TTC7A: variants seen among roughly 807,000 people sequenced by gnomAD.
TTC7A encodes tetratricopeptide repeat protein 7A.
TTC7A carries 110 observed loss-of-function variants against 103.7 expected under a neutral mutation model. The observed-to-expected ratio is 1.06, with a 90% CI of 0.91 to 1.24. The LOEUF is 1.24. Among genes scored for constraint, TTC7A ranks in the 50% most tolerant of loss-of-function variants. The pLI, the probability that TTC7A is intolerant of heterozygous loss-of-function variation, is 0.00. For synonymous variants in TTC7A, 521 were observed against 467.9 expected, an observed-to-expected ratio of 1.11 and a Z score of -1.47; for missense variants, 1,340 against 1,116.3, an observed-to-expected ratio of 1.20 and a Z score of -2.86.
chr2:47,019,376 A>T (rs558361206), intron 11 of TTC7A, among the ~76,000 whole-genome samples: 188 of 151,372 alleles, frequency 1.2e-3, no homozygotes, highest in African/African-American at 2.8e-3. Flanking sequence ...TCTATTTTTA[A>T]AAAAAAAAAC....
At chr2:46,992,185 G>A (rs1483078148) in intron 5 of TTC7A, among the ~76,000 whole-genome samples, 2 of 152,232 alleles carry the variant, frequency 1.3e-5, no homozygotes, top group African/African-American at 2.4e-5. Flanking sequence ...GGATGAGCAG[G>A]GCAGCCCTTA....
At chr2:47,072,148 C>G (rs1684789178) in intron 19 of TTC7A, among the ~76,000 whole-genome samples, 1 of 152,220 alleles carries the variant, frequency 6.6e-6, no homozygotes, top group African/African-American at 2.4e-5. Flanking sequence ...GCTGGCCAGC[C>G]TGGCCACTAC....
chr2:46,925,690 A>G (rs1170420655), intron 2 of TTC7A, among the ~76,000 whole-genome samples: 1 of 152,146 alleles, frequency 6.6e-6, no homozygotes, highest in Admixed American at 6.5e-5. Context: ...CACCTCCCCC[A>G]AAAAAACCCA....
intron 11 of TTC7A, among the ~76,000 whole-genome samples, chr2:47,015,211 C>G (rs1459144094): frequency 6.6e-6 from 1 of 152,256 alleles, no homozygotes; most frequent in African/African-American, 2.4e-5. Flanking sequence ...GCCAGGGTCC[C>G]TATTTTTGCA....
chr2:46,953,421 C>T (rs925769187), intron 2 of TTC7A, among the ~76,000 whole-genome samples: 2 of 152,202 alleles, frequency 1.3e-5, no homozygotes, highest in African/African-American at 4.8e-5. Flanking sequence ...TCCCAAAGTG[C>T]TAGGATTACA....
intron 1 of TTC7A, among the ~76,000 whole-genome samples, chr2:46,949,021 T>C (rs899473920): frequency 6.6e-6 from 1 of 152,172 alleles, no homozygotes; most frequent in Non-Finnish European, 1.5e-5. Flanking sequence ...TTATATTGAA[T>C]GGTGGGCCTG....
At chr2:47,053,181 G>A (rs1446059197) in intron 18 of TTC7A, among the ~76,000 whole-genome samples, 22 of 151,930 alleles carry the variant, frequency 1.4e-4, no homozygotes, top group Admixed American at 1.4e-3. Flanking sequence ...GGGGGTGGGC[G>A]GAGGCTGCAC....
intron 4 of TTC7A, among the ~76,000 whole-genome samples, chr2:46,976,764 C>T (rs945224683): frequency 3.3e-5 from 5 of 152,206 alleles, no homozygotes; most frequent in African/African-American, 1.2e-4. Context: ...CTTGTTGTGA[C>T]AACCAAAAAT....
At chr2:47,030,700 C>T (rs1680434178) in intron 15 of TTC7A, among the ~76,000 whole-genome samples, 1 of 152,158 alleles carries the variant, frequency 6.6e-6, no homozygotes, top group Admixed American at 6.5e-5. Flanking sequence ...CCACACTAAC[C>T]CCTGCCCCGC....
Position 47,006,734 on chromosome 2 carries a change from A to G in TTC7A, c.1287+10A>G. On this transcript the variant is annotated intron_variant, in intron 10 of 19. Coordinates refer to ENST00000319190, the MANE Select transcript of TTC7A (RefSeq NM_020458.4). ...GGTGGCTTGTGGGAAGGTAAGGCCC[A>G]GGGGGCGCTAGGGGTTGCACACTCA... 6.2e-7 allele frequency: 1 copy of G among 1,602,194 alleles called. No homozygotes were observed. The highest frequency in any genetic ancestry group is 1.1e-5 in the South Asian group (1 of 90,794).
chr2:47,011,310 TCCTGC>T lies in TTC7A; in HGVS notation c.1288-20_1288-16del. 6.2e-7 allele frequency: 1 copy of T among 1,609,666 alleles called. No individual in the cohort carries two copies. Among genetic ancestry groups the T allele is most frequent in the Non-Finnish European group, 8.5e-7 (1 of 1,177,068 alleles). On this transcript the variant is annotated splice_polypyrimidine_tract_variant and intron_variant, in intron 10 of 19. Coordinates refer to ENST00000319190, the MANE Select transcript of TTC7A (RefSeq NM_020458.4). ...ATCCAGGACTGTGAGTGACAGTGTT[TCCTGC>T]TCTTTTTTTCTGCAGTCAGCCTACG...
upstream of TTC7A, among the ~76,000 whole-genome samples, chr2:46,940,053 CGGG>C (rs1670202911): frequency 6.6e-6 from 1 of 152,060 alleles, no homozygotes; most frequent in Admixed American, 6.6e-5. This position sits in a 1 kb window ranked among gnomAD's most constrained non-coding sequence, Gnocchi z 4.7. Context: ...ACATGGGAGT[CGGG>C]GGTCAGTGGG....
At chr2:47,001,374 C>A (rs924694530) in intron 8 of TTC7A, among the ~76,000 whole-genome samples, 2 of 152,126 alleles carry the variant, frequency 1.3e-5, no homozygotes, top group African/African-American at 4.8e-5. Context: ...AGCAGCAGTC[C>A]CAGACTGGCC....
chr2:47,009,875 AGT>A (rs752264208), intron 10 of TTC7A, among the ~76,000 whole-genome samples: 14 of 102,822 alleles, frequency 1.4e-4, no homozygotes, highest in African/African-American at 4.5e-4. Flanking sequence ...GCCCAGAAAG[AGT>A]GTGTGTGTGT....
At chr2:47,045,290 C>T (rs1682197336) in intron 15 of TTC7A, among the ~76,000 whole-genome samples, 1 of 152,184 alleles carries the variant, frequency 6.6e-6, no homozygotes, top group Non-Finnish European at 1.5e-5. Flanking sequence ...CAGACCTCCC[C>T]AGCATCTGAA....
intron 7 of TTC7A, 147 bp from the exon 8 acceptor site, chr2:46,994,989 A>G (rs1472599702): frequency 4.2e-6 from 3 of 719,460 alleles, no homozygotes; most frequent in African/African-American, 1.7e-5. Context: ...TCTGGGGCAT[A>G]TGGTATCCGG....
chr2:46,979,424 CT>C (rs934747804), intron 5 of TTC7A, among the ~76,000 whole-genome samples: 21 of 152,304 alleles, frequency 1.4e-4, no homozygotes, highest in African/African-American at 5.1e-4. Context: ...CACGCTGGGG[CT>C]GTGGCTGTCC....
intron 18 of TTC7A, 96 bp downstream of exon 18, chr2:47,051,976 G>A (rs571702877): frequency 2.1e-6 from 3 of 1,462,676 alleles, no homozygotes; most frequent in South Asian, 1.4e-5. Context: ...GGGAGGTGGG[G>A]ACACCTTGCT....
In TTC7A at chr2:47,062,702, C is replaced by T. The variant is rs574487130; in HGVS notation, c.2355+1731C>T. ...AATAACAAGTACAATTTGGAAGTAA[C>T]AGTGTACCATTTTTCATTTATGCTT... On this transcript the variant is annotated intron_variant, in intron 19 of 19. Transcript: ENST00000319190. 1.6e-4 allele frequency among the ~76,000 whole-genome samples: 24 copies of T among 152,368 alleles called. No individual in the cohort carries two copies. The South Asian group carries it at 3.7e-3, about 24-fold the overall frequency.
Sources: allele counts gnomAD v4.1 joint callset (sites outside exome capture counted in the v4.1 genomes callset), GRCh38; gene constraint gnomAD v4.1.1; non-coding constraint Gnocchi (gnomAD v3.1); transcripts MANE v1.5; gene names NCBI Gene and HGNC (gene_info 2026-07-23, HGNC 2026-07-21).